PLVAP: variants seen among roughly 807,000 people sequenced by gnomAD.
The protein encoded by PLVAP is plasmalemma vesicle associated protein.
Under a neutral mutation model 43.1 loss-of-function variants are expected in PLVAP, and 34 were observed. The observed-to-expected ratio is 0.79, with a 90% confidence interval of 0.60 to 1.05. The LOEUF is 1.05. PLVAP is among the 50% of genes least tolerant of loss of function. The pLI is 0.00. For synonymous variants in PLVAP, 241 were observed against 237.3 expected, an observed-to-expected ratio of 1.02 and a Z score of -0.14; for missense variants, 574 against 593.4, an observed-to-expected ratio of 0.97 and a Z score of 0.34.
At chr19:17,360,128 G>T (rs945090555) in intron 5 of PLVAP, among the ~76,000 whole-genome samples, 1 of 152,210 alleles carries the variant, frequency 6.6e-6, no homozygotes, top group Admixed American at 6.5e-5. Context: ...GGGGTACAGG[G>T]CATGCCCTCT....
intron 5 of PLVAP, among the ~76,000 whole-genome samples, chr19:17,354,657 G>C (rs1219978551): frequency 1.3e-5 from 2 of 150,768 alleles, no homozygotes; most frequent in Non-Finnish European, 2.9e-5. Flanking sequence ...CCAGCACTTT[G>C]GGAGGCCGAG....
Position 17,352,173 on chromosome 19 carries a change from AG to A in PLVAP, c.*188del. The stretch of plus-strand genomic sequence containing the variant: ...TCTCCGCGGCCGTGTGCTCTGGGTG[AG>A]GGATCGTGAGGCGCGGGTGCGGGTG... On this transcript the variant is annotated 3_prime_UTR_variant, in exon 6 of 6. Coordinates refer to ENST00000252590, the MANE Select transcript of PLVAP (RefSeq NM_031310.3). The A allele has an allele frequency of 1.4e-6, 1 of 695,068 alleles. No individual in the cohort carries two copies. Among genetic ancestry groups the A allele is most frequent in the Admixed American group, 2.6e-5 (1 of 38,728 alleles). 43.1% of individuals were successfully genotyped at this position (695,068 alleles called of 1,614,324 possible).
Position 17,360,821 on chromosome 19 carries a change from C to T in PLVAP, c.1191G>A (p.Met397Ile), listed in dbSNP as rs768106935. 4.3e-6 allele frequency: 7 copies of T among 1,613,868 alleles called. No individual in the cohort carries two copies. The East Asian group carries it at 1.6e-4, about 36-fold the overall frequency. Residue 397 changes from methionine (M) to isoleucine (I), a missense_variant, in exon 4 of 6, where the codon ATG (methionine) becomes ATA (isoleucine). Transcript: ENST00000252590. The part of the protein sequence containing the change: ...DTCIKTKSQP[M>I]MPVSRPMGPV... ...GGCCCATGGGCCTTGACACTGGCAT[C>T]ATCGGCTGCGACTGTGAAAGAAAGA... is the stretch of plus-strand genomic sequence containing the variant.
rs760495218 is a variant in PLVAP, at chr19:17,365,474, C to T, written c.991G>A (p.Ala331Thr). 1.2e-5 allele frequency: 19 copies of T among 1,612,672 alleles called. No individual in the cohort carries two copies. Among genetic ancestry groups the T allele is most frequent in the Non-Finnish European group, 1.6e-5 (19 of 1,180,034 alleles). Residue 331 changes from alanine (A) to threonine (T), a missense_variant, in exon 3 of 6, where the codon GCC (alanine) becomes ACC (threonine). Physicochemically the swap from Ala to Thr is moderately conservative, Grantham distance 58. Coordinates refer to ENST00000252590, the MANE Select transcript of PLVAP (RefSeq NM_031310.3). The stretch of plus-strand genomic sequence containing the variant: ...TCAGCTTGGAGCTTGGCCTCCCGGG[C>T]CTGAGCCTCCTTCTCCACCTTCTGT... ...AKQKVEKEAQ[A>T]REAKLQAECS...
chr19:17,377,268 G>T lies in PLVAP; in HGVS notation c.21C>A (p.His7Gln). Residue 7 changes from histidine to glutamine, a missense_variant, in exon 1 of 6, where the codon CAC becomes CAA. Coordinates refer to ENST00000252590, the MANE Select transcript of PLVAP (RefSeq NM_031310.3). MGLAME[H>Q]GGSYARAGGS... ...CCCCCGCCCGAGCGTAGGACCCTCC[G>T]TGCTCCATGGCCAGACCCATTTGCT... 1 of 1,612,470 alleles carries T rather than the reference G, an allele frequency of 6.2e-7. No homozygotes were observed.
At position 17,365,846 on chromosome 19, in the gene PLVAP, G is replaced by A; in HGVS notation, c.619C>T (p.Gln207Ter). The A allele has an allele frequency of 6.2e-7, 1 of 1,614,138 alleles. No homozygotes were observed. The highest frequency in any genetic ancestry group is 1.3e-5 in the African/African-American group (1 of 75,060). ...TTGGCCAGCTGGCGCTCTTGGTGCTGCAGCTCCCGGGTTTTCACGCATTCA... is the reference window on the plus strand; with the variant it reads ...TTGGCCAGCTGGCGCTCTTGGTGCTACAGCTCCCGGGTTTTCACGCATTCA... ...LVECVKTREL[Q>*]HQERQLAKEQ... Residue 207 changes from glutamine to a stop codon, truncating the protein, a stop_gained, in exon 3 of 6, where the codon CAG becomes TAG. Coordinates refer to ENST00000252590, the MANE Select transcript of PLVAP (RefSeq NM_031310.3). LOFTEE classifies it high-confidence loss of function.
intron 1 of PLVAP, among the ~76,000 whole-genome samples, chr19:17,367,516 G>A (rs2074555256): frequency 6.6e-6 from 1 of 152,040 alleles, no homozygotes; most frequent in Admixed American, 6.6e-5. Flanking sequence ...AGCCTCCTGA[G>A]TAGCTGGGAT....
At chr19:17,354,007 C>T (rs994230089) in intron 5 of PLVAP, among the ~76,000 whole-genome samples, 1 of 152,124 alleles carries the variant, frequency 6.6e-6, no homozygotes, top group Non-Finnish European at 1.5e-5. Context: ...TAAGCCCATA[C>T]GGCCGGGCGC....
chr19:17,360,331 G>T (rs1417284171), intron 5 of PLVAP, among the ~76,000 whole-genome samples, 197 bp downstream of exon 5: 2 of 152,234 alleles, frequency 1.3e-5, no homozygotes, highest in African/African-American at 4.8e-5. Context: ...TACTCAGGGA[G>T]TTTCATGAGG....
chr19:17,354,962 C>T (rs1446200280), intron 5 of PLVAP, among the ~76,000 whole-genome samples: 3 of 151,402 alleles, frequency 2.0e-5, no homozygotes, highest in African/African-American at 7.3e-5. Context: ...GTGGCCCAGC[C>T]TGTAATCCTC....
intron 1 of PLVAP, among the ~76,000 whole-genome samples, chr19:17,374,848 T>C (rs189818150): frequency 2.6e-5 from 4 of 152,054 alleles, no homozygotes; most frequent in Non-Finnish European, 5.9e-5. Context: ...AGACAGAGTC[T>C]CCCTCTGTTG....
At chr19:17,374,658 C>T (rs2074587622) in intron 1 of PLVAP, among the ~76,000 whole-genome samples, 1 of 151,668 alleles carries the variant, frequency 6.6e-6, no homozygotes, top group Non-Finnish European at 1.5e-5. Flanking sequence ...CAGGGTCTCA[C>T]TCAGTCGCCC....
intron 5 of PLVAP, among the ~76,000 whole-genome samples, chr19:17,352,780 C>T (rs752910719): frequency 1.3e-5 from 2 of 152,172 alleles, no homozygotes; most frequent in Non-Finnish European, 2.9e-5. Flanking sequence ...ACACTGGTTC[C>T]CAAGGCAAGG....
At position 17,366,178 on chromosome 19, in the gene PLVAP, A is replaced by G; in HGVS notation, c.387T>C (p.Asn129=). 6.2e-7 allele frequency: 1 copy of G among 1,614,100 alleles called. No individual in the cohort carries two copies. The highest frequency in any genetic ancestry group is 8.5e-7 in the Non-Finnish European group (1 of 1,179,998). ...AGATGATGGCAGCCATGTACCTCTG[A>G]TTGTTCGTGTAGATGACCTGCCCGG... is the stretch of plus-strand genomic sequence containing the variant. ...CQGDRVIYTN[N]QRYMAAIILS... Residue 129 remains asparagine, a synonymous_variant, in exon 2 of 6, where the codon AAT becomes AAC. Transcript: ENST00000252590.
At chr19:17,375,500 G>A (rs957962101) in intron 1 of PLVAP, among the ~76,000 whole-genome samples, 5 of 152,194 alleles carry the variant, frequency 3.3e-5, no homozygotes, top group South Asian at 4.1e-4. Flanking sequence ...GCTCATGCCT[G>A]TAATCTCAGC....
rs542770287 is a variant in PLVAP at position 17,356,819 on chromosome 19, C to T, written c.1322+3709G>A. Among the ~76,000 whole-genome samples the T allele has an allele frequency of 2.6e-5, 4 of 151,506 alleles. No individual in the cohort carries two copies. The East Asian group carries it at 5.9e-4, about 22-fold the overall frequency. On this transcript the variant is annotated intron_variant, in intron 5 of 5. Coordinates refer to ENST00000252590, the MANE Select transcript of PLVAP (RefSeq NM_031310.3). ...TACTAAAAAAACAAAATTAGCCGGG[C>T]GTGATGGCGCATGCCTGTAATCCCA...
chr19:17,359,112 T>A (rs1158729638), intron 5 of PLVAP, among the ~76,000 whole-genome samples: 3 of 150,748 alleles, frequency 2.0e-5, no homozygotes, highest in Admixed American at 6.6e-5. Context: ...GACTCTTTTT[T>A]ATTTATTATT....
chr19:17,373,797 C>A (rs112006532), intron 1 of PLVAP, among the ~76,000 whole-genome samples: 2,270 of 152,148 alleles, frequency 0.015, 29 homozygotes, highest in Middle Eastern at 0.027. Flanking sequence ...CCAGAGAGCC[C>A]GCCTGTTTCT....
At chr19:17,370,304 G>C (rs1377444010) in intron 1 of PLVAP, among the ~76,000 whole-genome samples, 1 of 152,122 alleles carries the variant, frequency 6.6e-6, no homozygotes, top group African/African-American at 2.4e-5. Flanking sequence ...CATATACCCA[G>C]AGCAATGGAA....
Sources: gnomAD v4.1 joint callset for allele counts (sites outside exome capture counted in the v4.1 genomes callset) on GRCh38, gnomAD v4.1.1 for gene constraint, MANE v1.5 for transcripts, NCBI Gene and HGNC (gene_info 2026-07-23, HGNC 2026-07-21) for gene names.